Variants in MAD2L1 observed in about 807,000 individuals in gnomAD.
MAD2L1 encodes the protein mitotic spindle assembly checkpoint protein MAD2A.
Under a neutral mutation model 25.9 loss-of-function variants are expected in MAD2L1, and 10 were observed. The observed-to-expected ratio is 0.39, with a 90% CI of 0.24 to 0.66. The LOEUF (loss-of-function observed/expected upper bound fraction) is 0.66, where lower values mean the gene tolerates loss of function less well. Ranked by LOEUF, MAD2L1 falls within the 30% of genes least tolerant of loss-of-function variation. The pLI is 0.49. For synonymous variants in MAD2L1, 81 were observed against 91.8 expected, an observed-to-expected ratio of 0.88 and a Z score of 0.67; for missense variants, 180 against 246.4, an observed-to-expected ratio of 0.73 and a Z score of 1.80.
chr4:120,061,470 T>C (rs1726216123), intron 3 of MAD2L1, among the ~76,000 whole-genome samples: 1 of 152,154 alleles, frequency 6.6e-6, no homozygotes, highest in Admixed American at 6.6e-5. Flanking sequence ...GCAAACTACA[T>C]TTCACTATAA....
chr4:120,056,773 T>C lies in MAD2L1; in HGVS notation c.*3345A>G, dbSNP rs1046667587. On this transcript the variant is annotated 3_prime_UTR_variant, in exon 5 of 5. Transcript: ENST00000296509. Reference sequence around the variant, plus strand: ...AAAGGAGAGCCCATACCTCTCTTTTTATGGCATCACATGCCAAAGAACCTC... The same window carrying C: ...AAAGGAGAGCCCATACCTCTCTTTTCATGGCATCACATGCCAAAGAACCTC... 1 of 152,226 alleles carries C rather than the reference T, an allele frequency of 6.6e-6. No individual in the cohort carries two copies. Among genetic ancestry groups the C allele is most frequent in the South Asian group, 2.1e-4 (1 of 4,838 alleles). The allele number at this position is 152,226 out of a possible 1,614,324, so 9.4% of individuals were successfully genotyped here.
rs569047230 is a variant in MAD2L1, at chr4:120,056,547, G to C, written c.*3571C>G. 6.6e-6 allele frequency: 1 copy of C among 152,136 alleles called. No homozygotes were observed. The highest frequency in any genetic ancestry group is 2.4e-5 in the African/African-American group (1 of 41,412). The allele number at this position is 152,136 out of a possible 1,614,324, so 9.4% of individuals were successfully genotyped here. A position where few individuals can be genotyped will look rare whatever the true frequency, so the allele number is the denominator to read the frequency against. On this transcript the variant is annotated 3_prime_UTR_variant, in exon 5 of 5. Transcript: ENST00000296509. ...ACATACTAAATGAAAACAAGATGAA[G>C]AAATGGTCTATGAAGTTATCTACCT...
rs553500398 is a variant in MAD2L1 at position 120,065,772 on chromosome 4, A to T, written c.120T>A (p.Ser40=). 14 of 1,614,022 alleles carry T rather than the reference A, an allele frequency of 8.7e-6. No individual in the cohort carries two copies. The East Asian group carries it at 2.9e-4, about 33-fold the overall frequency. Residue 40 remains serine (S), a synonymous_variant, in exon 2 of 5, where the codon TCT becomes TCA. Transcript: ENST00000296509. ...ATTTCTGCACTCGAGTAAAGGTTTC[A>T]GATGGATATATGCCACGCTGATATA... ...SILYQRGIYP[S]ETFTRVQKYG...
chr4:120,060,369 A>G, intron 4 of MAD2L1, 79 bp from the exon 5 acceptor site: 2 of 1,173,246 alleles, frequency 1.7e-6, no homozygotes, highest in East Asian at 5.2e-5. Context: ...TCTATTTTGA[A>G]CCACTCACTG....
chr4:120,063,686 T>A (rs539204097), intron 2 of MAD2L1, among the ~76,000 whole-genome samples: 131 of 152,150 alleles, frequency 8.6e-4, no homozygotes, highest in African/African-American at 2.9e-3. Context: ...TGAAAAAGGC[T>A]AGAGGAAATT....
chr4:120,065,238 T>C (rs1013976437), intron 2 of MAD2L1, among the ~76,000 whole-genome samples: 12 of 152,236 alleles, frequency 7.9e-5, no homozygotes, highest in African/African-American at 2.9e-4. Context: ...TTTAGTTCTC[T>C]GGTTGAATCC....
At chr4:120,063,351 G>A (rs1338340100) in intron 2 of MAD2L1, among the ~76,000 whole-genome samples, 2 of 152,166 alleles carry the variant, frequency 1.3e-5, no homozygotes, top group African/African-American at 2.4e-5. Context: ...AGGAGTCAGC[G>A]AAGTTTTTGT....
At position 120,065,570 on chromosome 4, in the gene MAD2L1, T is replaced by C. The variant is rs759998152; in HGVS notation, c.220+102A>G. On this transcript the variant is annotated intron_variant, in intron 2 of 4. Coordinates refer to ENST00000296509, the MANE Select transcript of MAD2L1 (RefSeq NM_002358.4). ...ATTTTCTTCCTCTCAATTGAAAATATATTTGAGATGTCAGTACACTTCTAT... is the reference window on the plus strand; with the variant it reads ...ATTTTCTTCCTCTCAATTGAAAATACATTTGAGATGTCAGTACACTTCTAT... 115 of 944,200 alleles carry C rather than the reference T, an allele frequency of 1.2e-4. 1 individual carries two copies. Among genetic ancestry groups the C allele is most frequent in the Non-Finnish European group, 1.7e-4 (108 of 631,608 alleles). 58.5% of individuals were successfully genotyped at this position (944,200 alleles called of 1,614,324 possible). A position where few individuals can be genotyped will look rare whatever the true frequency, so the allele number is the denominator to read the frequency against.
Position 120,058,559 on chromosome 4 carries a change from G to C in MAD2L1, c.*1559C>G, listed in dbSNP as rs1402820343. On this transcript the variant is annotated 3_prime_UTR_variant, in exon 5 of 5. Coordinates refer to ENST00000296509, the MANE Select transcript of MAD2L1 (RefSeq NM_002358.4). Reference sequence around the variant, plus strand: ...ACGGAAGAATGGCTGGAATCCGGGAGGCAGAGGCTGTAGTGAGCTGAGCTG... The same window carrying C: ...ACGGAAGAATGGCTGGAATCCGGGACGCAGAGGCTGTAGTGAGCTGAGCTG... The C allele has an allele frequency of 6.6e-6, 1 of 152,284 alleles. No homozygotes were observed. The highest frequency in any genetic ancestry group is 1.5e-5 in the Non-Finnish European group (1 of 68,098). 9.4% of individuals were successfully genotyped at this position (152,284 alleles called of 1,614,324 possible). A position where few individuals can be genotyped will look rare whatever the true frequency, so the allele number is the denominator to read the frequency against.
At position 120,065,861 on chromosome 4, in the gene MAD2L1, A is replaced by C; in HGVS notation, c.74-43T>G. 1.9e-6 allele frequency: 3 copies of C among 1,594,852 alleles called. 1 individual carries two copies. In the South Asian group the frequency reaches 3.3e-5, roughly 18 times the overall value. On this transcript the variant is annotated intron_variant, in intron 1 of 4. Transcript: ENST00000296509. ...GTTACAGAAAATTCATTATCCCTGC[A>C]TAACTCTGGAAAATAAAATATATTT... is the stretch of plus-strand genomic sequence containing the variant.
chr4:120,061,020 A>G (rs1368769843), intron 3 of MAD2L1, 43 bp from the exon 4 acceptor site: 3 of 1,168,252 alleles, frequency 2.6e-6, no homozygotes, highest in Non-Finnish European at 2.6e-6. Flanking sequence ...TTCAGGTCTT[A>G]ACAAATTATT....
At chr4:120,066,173 C>G (rs1043444440) in intron 1 of MAD2L1, among the ~76,000 whole-genome samples, 7 of 152,098 alleles carry the variant, frequency 4.6e-5, no homozygotes, top group Non-Finnish European at 1.0e-4. Flanking sequence ...TGAATAGTCA[C>G]TGTGCTCCAG....
At chr4:120,065,567 A>G in intron 2 of MAD2L1, 105 bp downstream of exon 2, 2 of 929,446 alleles carry the variant, frequency 2.2e-6, no homozygotes, top group Non-Finnish European at 3.2e-6. Context: ...TCAATTGAAA[A>G]TATATTTGAG....
rs1023543590 is a variant in MAD2L1 at position 120,057,871 on chromosome 4, A to C, written c.*2247T>G. 3 of 152,086 alleles carry C rather than the reference A, an allele frequency of 2.0e-5. No homozygotes were observed. The highest frequency in any genetic ancestry group is 4.4e-5 in the Non-Finnish European group (3 of 68,024). 9.4% of individuals were successfully genotyped at this position (152,086 alleles called of 1,614,324 possible). A position where few individuals can be genotyped will look rare whatever the true frequency, so the allele number is the denominator to read the frequency against. On this transcript the variant is annotated 3_prime_UTR_variant, in exon 5 of 5. Transcript: ENST00000296509. ...CAAAATGTGTATTTCTTTTTTATTT[A>C]TTATTTTTTGAGATGGAGCCTTGCT...
chr4:120,056,065 A>T lies in MAD2L1; in HGVS notation c.*4053T>A, dbSNP rs771745621. ...AAAAGGTGACGAAACACTCCTTTTG[A>T]TATGCTTGTTGGGGAGTCAGGATGA... On this transcript the variant is annotated 3_prime_UTR_variant, in exon 5 of 5. Transcript: ENST00000296509. 1 of 152,222 alleles carries T rather than the reference A, an allele frequency of 6.6e-6. No individual in the cohort carries two copies. The highest frequency in any genetic ancestry group is 2.1e-4 in the South Asian group (1 of 4,828). 9.4% of individuals were successfully genotyped at this position (152,222 alleles called of 1,614,324 possible).
rs1329450157 is a variant in MAD2L1, at chr4:120,057,596, T to C, written c.*2522A>G. On this transcript the variant is annotated 3_prime_UTR_variant, in exon 5 of 5. Coordinates refer to ENST00000296509, the MANE Select transcript of MAD2L1 (RefSeq NM_002358.4). ...GCTTAACCTCTGTTCATCCTCTACA[T>C]ATGGTAAGCAACACTGAGCCAGAGT... The C allele has an allele frequency of 6.6e-6, 1 of 152,324 alleles. No homozygotes were observed. Among genetic ancestry groups the C allele is most frequent in the Non-Finnish European group, 1.5e-5 (1 of 68,140 alleles). 9.4% of individuals were successfully genotyped at this position (152,324 alleles called of 1,614,324 possible).
rs1726275788 is a variant in MAD2L1 at position 120,064,236 on chromosome 4, A to G, written c.220+1436T>C. ...GGCCAAACGACCTGAGTACAGCCCT[A>G]TGAATCACTATAGATGATTTATTCC... On this transcript the variant is annotated intron_variant, in intron 2 of 4. Transcript: ENST00000296509. Among the ~76,000 whole-genome samples, 3 of 152,184 alleles carry G rather than the reference A, an allele frequency of 2.0e-5. No homozygotes were observed. The South Asian group carries it at 6.2e-4, about 32-fold the overall frequency.
Position 120,060,973 on chromosome 4 carries a change from G to C in MAD2L1, c.346C>G (p.Pro116Ala). 2 of 1,592,534 alleles carry C rather than the reference G, an allele frequency of 1.3e-6. No individual in the cohort carries two copies. Among genetic ancestry groups the C allele is most frequent in the Non-Finnish European group, 1.7e-6 (2 of 1,162,436 alleles). The change falls in exon 4 of 5, where the codon CCC becomes GCC. Residue 116 changes from proline to alanine, a missense_variant. Pro to Ala is a conservative substitution (Grantham distance 27). Coordinates refer to ENST00000296509, the MANE Select transcript of MAD2L1 (RefSeq NM_002358.4). ...CDKTAKDDSA[P>A]REKSQKAIQD... ...ATAGCTTTCTGAGACTTTTCTCTGG[G>C]TGCACTGTCAAAAAAAAATCAAATC...
rs752951123 is a variant in MAD2L1, at chr4:120,060,154, A to G, written c.582T>C (p.Asn194=). 3.1e-6 allele frequency: 5 copies of G among 1,608,362 alleles called. No individual in the cohort carries two copies. The African/African-American group carries it at 5.3e-5, about 17-fold the overall frequency. ...CAGGAATTTTGTAGGCCACCATGCT[A>G]TTTACTTTGTGGATTGTAGTAGTAA... ...RSFTTTIHKV[N]SMVAYKIPVN... is the part of the protein sequence containing the mutation. Residue 194 remains asparagine (N), a synonymous_variant, in exon 5 of 5, where the codon AAT becomes AAC. Coordinates refer to ENST00000296509, the MANE Select transcript of MAD2L1 (RefSeq NM_002358.4).
Sources: gnomAD v4.1 joint callset for allele counts (sites outside exome capture counted in the v4.1 genomes callset) on GRCh38, gnomAD v4.1.1 for gene constraint, MANE v1.5 for transcripts, NCBI Gene and HGNC (gene_info 2026-07-23, HGNC 2026-07-21) for gene names.